The following MATK variants were observed in gnomAD, a reference collection of about 807,000 sequenced individuals.
The protein encoded by MATK is megakaryocyte-associated tyrosine-protein kinase.
Under a neutral mutation model 59.8 loss-of-function variants are expected in MATK, and 41 were observed. The ratio of observed to expected loss-of-function variants is 0.69; its 90% CI spans 0.53 to 0.89. The LOEUF is 0.89. Ranked by LOEUF, MATK falls within the 40% of genes least tolerant of loss-of-function variation. The pLI is 0.00. For missense variants in MATK, 593 were observed against 719.6 expected, an observed-to-expected ratio of 0.82 and a Z score of 2.01; for synonymous variants, 308 against 306.1, an observed-to-expected ratio of 1.01 and a Z score of -0.06.
chr19:3,787,245 G>A (rs908154326), upstream of MATK, among the ~76,000 whole-genome samples: 1 of 150,276 alleles, frequency 6.7e-6, no homozygotes, highest in Non-Finnish European at 1.5e-5. Context: ...CCAGCCTCCC[G>A]CCTCAGCCTC....
At chr19:3,800,069 G>A (rs2037629129) in intron 1 of MATK, among the ~76,000 whole-genome samples, 1 of 151,438 alleles carries the variant, frequency 6.6e-6, no homozygotes, top group South Asian at 2.1e-4. Context: ...GTGAACCCGG[G>A]AGGCGGAGCC....
At chr19:3,781,493 G>T in intron 8 of MATK, 114 bp downstream of exon 8, 1 of 1,104,464 alleles carries the variant, frequency 9.1e-7, no homozygotes, top group Non-Finnish European at 1.4e-6. Flanking sequence ...CACGTCTTCA[G>T]CTGCACAACT....
Position 3,778,253 on chromosome 19 carries a change from G to A in MATK, c.1454C>T (p.Ala485Val). The A allele has an allele frequency of 6.3e-7, 1 of 1,576,728 alleles. No individual in the cohort carries two copies. The part of the protein sequence containing the change: ...AEKLARELRS[A>V]GAPASVSGQD... ...CCCTGAGACGGAGGCTGGGGCACCT[G>A]CACTGCGTAGCTCCCGGGCCAGCTT... The change falls in exon 14 of 14, where the codon GCA becomes GTA. Residue 485 changes from alanine to valine, a missense_variant. Physicochemically the swap from Ala to Val is moderately conservative, Grantham distance 64. Coordinates refer to ENST00000310132, the MANE Select transcript of MATK (RefSeq NM_139355.3).
chr19:3,800,592 G>A (rs920761288), intron 1 of MATK, among the ~76,000 whole-genome samples: 36 of 152,054 alleles, frequency 2.4e-4, no homozygotes, highest in African/African-American at 8.5e-4. Flanking sequence ...GTTGTGGTGA[G>A]CCGAGATTGC....
intron 3 of MATK, 185 bp downstream of exon 3, chr19:3,784,638 TAG>T (rs1487203687): frequency 3.0e-6 from 2 of 658,708 alleles, no homozygotes; most frequent in African/African-American, 1.9e-5. Flanking sequence ...AGAGAAATCG[TAG>T]AGTCACAAAG....
rs1405190784 is a variant in MATK, at chr19:3,779,189, TG to T, written c.1002-3del. On this transcript the variant is annotated splice_polypyrimidine_tract_variant and splice_region_variant and intron_variant, in intron 11 of 13. Coordinates refer to ENST00000310132, the MANE Select transcript of MATK (RefSeq NM_139355.3). The stretch of plus-strand genomic sequence containing the variant: ...TACTCCATGCCCTCGGCCACGTGCC[TG>T]GGGGTAGTAGGGGGCAGTGGGGGCT... 4 of 1,582,432 alleles carry T rather than the reference TG, an allele frequency of 2.5e-6. No individual in the cohort carries two copies. The highest frequency in any genetic ancestry group is 2.6e-6 in the Non-Finnish European group (3 of 1,163,676).
At chr19:3,799,827 C>T (rs966534453) in intron 1 of MATK, among the ~76,000 whole-genome samples, 20 of 149,064 alleles carry the variant, frequency 1.3e-4, no homozygotes, top group Admixed American at 6.8e-5. Context: ...GGTGACAGAG[C>T]GAGACCTTGT....
Position 3,786,217 on chromosome 19 carries a change from G to C in MATK, c.-200C>G. On this transcript the variant is annotated 5_prime_UTR_variant, in exon 1 of 14. Transcript: ENST00000310132. This position sits in a 1 kb window ranked among gnomAD's most constrained non-coding sequence, Gnocchi z 4.1. The stretch of plus-strand genomic sequence containing the variant: ...CGCGCCCCGCGCCCGCCCCCAGGAG[G>C]GCCTCCGCGAGCCGGCTGCACACCC... 1.0e-6 allele frequency: 1 copy of C among 984,312 alleles called. No homozygotes were observed. Among genetic ancestry groups the C allele is most frequent in the South Asian group, 4.7e-5 (1 of 21,286 alleles). 61.0% of individuals were successfully genotyped at this position (984,312 alleles called of 1,614,324 possible).
chr19:3,784,738 G>C, intron 3 of MATK, 87 bp downstream of exon 3: 1 of 915,134 alleles, frequency 1.1e-6, no homozygotes, highest in Non-Finnish European at 1.8e-6. Flanking sequence ...GGGGCAGAGA[G>C]TACAGCCCTT....
At position 3,778,691 on chromosome 19, in the gene MATK, C is replaced by G; in HGVS notation, c.1198-96G>C. 6 of 1,339,074 alleles carry G rather than the reference C, an allele frequency of 4.5e-6. No homozygotes were observed. The South Asian group carries it at 7.5e-5, about 17-fold the overall frequency. The allele number at this position is 1,339,074 out of a possible 1,614,324, so 82.9% of individuals were successfully genotyped here. A position where few individuals can be genotyped will look rare whatever the true frequency, so the allele number is the denominator to read the frequency against. On this transcript the variant is annotated intron_variant, in intron 12 of 13. Coordinates refer to ENST00000310132, the MANE Select transcript of MATK (RefSeq NM_139355.3). The stretch of plus-strand genomic sequence containing the variant: ...AAGCCCTCCTGGGTTGACCCTCACT[C>G]TCTGGTCTTCTCCTAATTGAGTCCT...
rs530367941 is a variant in MATK at position 3,795,751 on chromosome 19, C to CTTTTT, written c.-58+5776_-58+5780dup. On this transcript the variant is annotated intron_variant, in intron 1 of 13. Transcript: ENST00000395045. ...GTCTTTATTTTCTCATAAGTAGGTG[C>CTTTTT]TTTTTTTTTTTTTTTTTTTTTTTTT... Among the ~76,000 whole-genome samples the CTTTTT allele has an allele frequency of 3.5e-4, 19 of 54,784 alleles. 4 individuals carry two copies. The highest frequency in any genetic ancestry group is 1.1e-3 in the African/African-American group (16 of 13,990). The allele number at this position is 54,784 out of a possible 152,430, so 35.9% of individuals were successfully genotyped here.
chr19:3,790,975 G>A (rs138422147), upstream of MATK, among the ~76,000 whole-genome samples: 132 of 152,276 alleles, frequency 8.7e-4, no homozygotes, highest in Middle Eastern at 0.02. Context: ...GAAGCAGGGA[G>A]AGACACTGAA....
intron 1 of MATK, among the ~76,000 whole-genome samples, chr19:3,794,975 CTTT>C (rs532158792): frequency 1.5e-4 from 16 of 107,880 alleles, no homozygotes; most frequent in Middle Eastern, 5.3e-3. Context: ...TTTTCTTTTG[CTTT>C]TTTTTTTTTT....
rs1223902853 is a variant in MATK at position 3,779,805 on chromosome 19, G to C, written c.743-8C>G. 6.4e-7 allele frequency: 1 copy of C among 1,568,266 alleles called. No homozygotes were observed. Among genetic ancestry groups the C allele is most frequent in the Admixed American group, 1.7e-5 (1 of 59,966 alleles). On this transcript the variant is annotated splice_polypyrimidine_tract_variant and splice_region_variant and intron_variant, in intron 8 of 13. Transcript: ENST00000310132. Reference sequence around the variant, plus strand: ...ACTCACCCTGCAGGACAGCTGGGGGGTGGGGGTGGGGAACGGGGTGAGATC... The same window carrying C: ...ACTCACCCTGCAGGACAGCTGGGGGCTGGGGGTGGGGAACGGGGTGAGATC...
upstream of MATK, chr19:3,789,405 C>A: frequency 1.5e-6 from 1 of 687,652 alleles, no homozygotes; most frequent in Non-Finnish European, 2.7e-6. Context: ...CTTCCTCTCT[C>A]TGCAAATCAA....
upstream of MATK, chr19:3,787,657 AT>A (rs1195937384): frequency 6.6e-6 from 1 of 152,008 alleles, no homozygotes; most frequent in Non-Finnish European, 1.5e-5. Context: ...AAGTGCTGGG[AT>A]TACAGGCGTG....
chr19:3,797,578 A>C (rs1477234230), intron 1 of MATK, among the ~76,000 whole-genome samples: 2 of 151,494 alleles, frequency 1.3e-5, no homozygotes, highest in Non-Finnish European at 2.9e-5. Flanking sequence ...GCACCACCAC[A>C]CCCAGTGACT....
intron 12 of MATK, 122 bp from the exon 13 acceptor site, chr19:3,778,717 C>T (rs1489946907): frequency 1.8e-6 from 2 of 1,106,956 alleles, no homozygotes; most frequent in East Asian, 2.6e-5. Flanking sequence ...ATTGAGTCCT[C>T]CCCCAACGCC....
chr19:3,800,562 C>T (rs1315202651), intron 1 of MATK, among the ~76,000 whole-genome samples: 4 of 152,028 alleles, frequency 2.6e-5, no homozygotes, highest in African/African-American at 9.7e-5. Context: ...AGGAGAATCG[C>T]CTGAACCCAG....
Sources: gnomAD v4.1 joint callset for allele counts (sites outside exome capture counted in the v4.1 genomes callset) on GRCh38, gnomAD v4.1.1 for gene constraint, Gnocchi (gnomAD v3.1) non-coding constraint, MANE v1.5 for transcripts, NCBI Gene and HGNC (gene_info 2026-07-23, HGNC 2026-07-21) for gene names.